Variants in MYO16 observed in about 807,000 individuals in gnomAD.
MYO16 encodes the protein unconventional myosin-XVI.
MYO16 carries 94 observed loss-of-function variants against 205.3 expected under a neutral mutation model. The ratio of observed to expected loss-of-function variants is 0.46; its 90% confidence interval spans 0.39 to 0.54. The LOEUF (loss-of-function observed/expected upper bound fraction) is 0.54, where lower values mean the gene tolerates loss of function less well. MYO16 is among the 20% of genes least tolerant of loss of function. MYO16 has a pLI of 0.00. For missense variants in MYO16, 2,315 were observed against 2,387.5 expected, an observed-to-expected ratio of 0.97 and a Z score of 0.63; for synonymous variants, 988 against 954.0, an observed-to-expected ratio of 1.04 and a Z score of -0.66.
At chr13:108,960,292 A>G (rs1392297734) in intron 17 of MYO16, among the ~76,000 whole-genome samples, 1 of 148,016 alleles carries the variant, frequency 6.8e-6, no homozygotes, top group Admixed American at 6.8e-5. Context: ...AAAAAAAAGG[A>G]AAAAAAATAA....
intron 20 of MYO16, among the ~76,000 whole-genome samples, chr13:108,988,045 G>A (rs964219134): frequency 6.6e-6 from 1 of 152,084 alleles, no homozygotes; most frequent in Non-Finnish European, 1.5e-5. Context: ...AAAGCTCTCG[G>A]GAGAATTCTA....
At chr13:108,735,538 A>C (rs932177619) in intron 4 of MYO16, among the ~76,000 whole-genome samples, 6 of 117,958 alleles carry the variant, frequency 5.1e-5, no homozygotes, top group African/African-American at 1.6e-4. Flanking sequence ...AATCCAGTCT[A>C]TCATTGATGG....
chr13:108,636,956 A>G (rs1266922215), intron 1 of MYO16, among the ~76,000 whole-genome samples: 3 of 152,208 alleles, frequency 2.0e-5, no homozygotes, highest in Non-Finnish European at 4.4e-5. Context: ...GGATGTGTAA[A>G]CATAATGCAA....
chr13:108,562,719 TACAA>T, the MYO16 span, among the ~76,000 whole-genome samples: 5 of 152,176 alleles, frequency 3.3e-5, no homozygotes, highest in African/African-American at 1.2e-4. Flanking sequence ...TGTTTAGAAA[TACAA>T]ACACTTTTCA....
chr13:108,527,305 A>G, the MYO16 span, among the ~76,000 whole-genome samples: 6 of 152,308 alleles, frequency 3.9e-5, no homozygotes, highest in Admixed American at 6.5e-5. Flanking sequence ...CATGATGACA[A>G]GCTGCAGATT....
rs972885727 is a variant in MYO16 at position 108,818,391 on chromosome 13, A to T, written c.868-1946A>T. On this transcript the variant is annotated intron_variant, in intron 7 of 34. Coordinates refer to ENST00000457511, the MANE Select transcript of MYO16 (RefSeq NM_001198950.3). ...AAAGTGAAACAACGTCTCAAAAAAA[A>T]AATAATAATAATAAATAAAAATAAA... is the stretch of plus-strand genomic sequence containing the variant. 4.1e-4 allele frequency among the ~76,000 whole-genome samples: 62 copies of T among 151,600 alleles called. 1 individual carries two copies. Among genetic ancestry groups the T allele is most frequent in the African/African-American group, 9.2e-4 (38 of 41,428 alleles).
intron 16 of MYO16, among the ~76,000 whole-genome samples, chr13:108,928,016 A>G (rs1594402946): frequency 6.6e-6 from 1 of 152,154 alleles, no homozygotes; most frequent in African/African-American, 2.4e-5. Flanking sequence ...GGTTTCTAGA[A>G]CCTTCTACCC....
chr13:108,932,126 A>C (rs1410316626), intron 16 of MYO16, among the ~76,000 whole-genome samples: 1 of 152,140 alleles, frequency 6.6e-6, no homozygotes, highest in Non-Finnish European at 1.5e-5. Context: ...AATTTCAATG[A>C]CTTTTGTTCA....
At chr13:108,775,671 T>A (rs1886101502) in intron 4 of MYO16, among the ~76,000 whole-genome samples, 1 of 152,186 alleles carries the variant, frequency 6.6e-6, no homozygotes, top group African/African-American at 2.4e-5. Context: ...AGCTCCTTAG[T>A]TCCAGTGGGA....
intron 6 of MYO16, among the ~76,000 whole-genome samples, chr13:108,798,629 G>A (rs1413892256): frequency 1.0e-4 from 14 of 137,650 alleles, no homozygotes; most frequent in African/African-American, 3.8e-4. Context: ...AGACATTGTT[G>A]TTTTATTATT....
chr13:108,498,547 T>C, the MYO16 span, among the ~76,000 whole-genome samples: 1 of 152,216 alleles, frequency 6.6e-6, no homozygotes, highest in Non-Finnish European at 1.5e-5. Context: ...CATTCTGCTC[T>C]GTACTAGAAA....
At chr13:108,615,686 A>G (rs1879326156) in intron 1 of MYO16, among the ~76,000 whole-genome samples, 1 of 152,154 alleles carries the variant, frequency 6.6e-6, no homozygotes, top group Non-Finnish European at 1.5e-5. Context: ...TAAGTGAAAA[A>G]AGTTAGACAC....
intron 1 of MYO16, among the ~76,000 whole-genome samples, chr13:108,664,986 A>C (rs1486537016): frequency 6.6e-6 from 1 of 152,198 alleles, no homozygotes; most frequent in African/African-American, 2.4e-5. Context: ...CTCAGTCTTT[A>C]TACTTAACCA....
Position 109,046,924 on chromosome 13 carries a change from T to C in MYO16, c.2805T>C (p.Tyr935=), listed in dbSNP as rs752272853. The stretch of plus-strand genomic sequence containing the variant: ...GCTTTCTTTTATTCTAGGTAATGTA[T>C]GATGTTGTTGGGGCGATTGAAAAAA... ...TIMHYAGRVM[Y]DVVGAIEKNK... Residue 935 remains tyrosine (Y), a synonymous_variant, in exon 24 of 35, where the codon TAT becomes TAC. Coordinates refer to ENST00000457511, the MANE Select transcript of MYO16 (RefSeq NM_001198950.3). The C allele has an allele frequency of 2.0e-5, 32 of 1,606,438 alleles. 1 individual carries two copies. The highest frequency in any genetic ancestry group is 2.0e-4 in the South Asian group (18 of 90,920).
chr13:108,838,665 C>CA (rs36195222), intron 9 of MYO16, among the ~76,000 whole-genome samples: 2,907 of 107,406 alleles, frequency 0.027, 87 homozygotes, highest in African/African-American at 0.078. Flanking sequence ...GAGACTGTCT[C>CA]AAAAAAAAAA....
intron 4 of MYO16, among the ~76,000 whole-genome samples, chr13:108,742,929 C>T (rs1305664865): frequency 6.6e-6 from 1 of 152,180 alleles, no homozygotes; most frequent in Non-Finnish European, 1.5e-5. Context: ...TCAATTCTCA[C>T]TTCTTTTCTG....
At chr13:108,898,249 A>G (rs1880526855) in intron 15 of MYO16, 116 bp downstream of exon 15, 5 of 789,874 alleles carry the variant, frequency 6.3e-6, no homozygotes, top group Non-Finnish European at 1.1e-5. Flanking sequence ...GAGAAAACCT[A>G]TTCTTCATGA....
At chr13:108,607,159 T>C (rs1878990933) in intron 1 of MYO16, among the ~76,000 whole-genome samples, 1 of 152,174 alleles carries the variant, frequency 6.6e-6, no homozygotes, top group Admixed American at 6.5e-5. Flanking sequence ...TGCCTTGTCT[T>C]GGATAAGACT....
intron 12 of MYO16, among the ~76,000 whole-genome samples, chr13:108,868,495 C>A (rs1394360219): frequency 1.3e-5 from 2 of 152,086 alleles, no homozygotes; most frequent in African/African-American, 4.8e-5. Context: ...GTTCATCTAC[C>A]TTTTTTATTG....
Sources: allele counts gnomAD v4.1 joint callset (sites outside exome capture counted in the v4.1 genomes callset), GRCh38; gene constraint gnomAD v4.1.1; transcripts MANE v1.5; gene names NCBI Gene and HGNC (gene_info 2026-07-23, HGNC 2026-07-21).